Variants in DTNB observed in about 807,000 individuals in gnomAD.
DTNB encodes the protein DTN-B.
Under a neutral mutation model 90.7 loss-of-function variants are expected in DTNB, and 63 were observed. The observed-to-expected ratio is 0.69, with a 90% CI of 0.57 to 0.86. DTNB has a LOEUF of 0.86. Among genes scored for constraint, DTNB ranks in the 40% least tolerant of loss-of-function variants. DTNB has a pLI of 0.00. For missense variants in DTNB, 744 were observed against 807.1 expected (o/e 0.92, Z 0.95); for synonymous variants, 277 against 286.7 (o/e 0.97, Z 0.34).
At chr2:25,428,194 T>C (rs538360470) in intron 14 of DTNB, among the ~76,000 whole-genome samples, 21 of 152,302 alleles carry the variant, frequency 1.4e-4, no homozygotes, top group African/African-American at 2.4e-4. Context: ...TCTTTTTTTT[T>C]CCTTGTCTCT....
chr2:25,602,868 C>T (rs1365529116), intron 5 of DTNB, among the ~76,000 whole-genome samples: 1 of 152,164 alleles, frequency 6.6e-6, no homozygotes, highest in African/African-American at 2.4e-5. Flanking sequence ...TTTTTAAAGG[C>T]ATTATATTCA....
intron 10 of DTNB, among the ~76,000 whole-genome samples, chr2:25,463,153 T>C (rs887817899): frequency 6.6e-6 from 1 of 152,144 alleles, no homozygotes; most frequent in Non-Finnish European, 1.5e-5. Flanking sequence ...TCAAACCTAA[T>C]ATGCTCAAAA....
intron 4 of DTNB, among the ~76,000 whole-genome samples, chr2:25,625,829 C>A (rs960100719): frequency 2.6e-5 from 4 of 152,094 alleles, no homozygotes; most frequent in African/African-American, 9.7e-5. Flanking sequence ...AAATCCTAAC[C>A]CCCAAGGTAC....
At chr2:25,634,142 C>A (rs2148781624) in intron 3 of DTNB, among the ~76,000 whole-genome samples, 1 of 150,456 alleles carries the variant, frequency 6.6e-6, no homozygotes, top group South Asian at 2.1e-4. Context: ...CCAGCCGCCC[C>A]ATCCGGGAGG....
intron 3 of DTNB, among the ~76,000 whole-genome samples, chr2:25,632,284 T>C (rs1450230095): frequency 6.6e-6 from 1 of 151,268 alleles, no homozygotes; most frequent in African/African-American, 2.4e-5. Flanking sequence ...ATATGAACCA[T>C]GCTCTCTGAT....
At chr2:25,430,456 T>C (rs1441189922) in intron 14 of DTNB, among the ~76,000 whole-genome samples, 2 of 152,020 alleles carry the variant, frequency 1.3e-5, no homozygotes, top group African/African-American at 4.8e-5. Context: ...AATTACGGTA[T>C]AAGCTGAACA....
At chr2:25,648,511 CCT>C (rs1431901857) in intron 2 of DTNB, among the ~76,000 whole-genome samples, 1 of 151,946 alleles carries the variant, frequency 6.6e-6, no homozygotes, top group Non-Finnish European at 1.5e-5. Flanking sequence ...ACATGTACCC[CCT>C]GAATCTAAAA....
intron 8 of DTNB, among the ~76,000 whole-genome samples, chr2:25,540,979 T>C (rs561334904): frequency 3.0e-4 from 45 of 151,278 alleles, no homozygotes; most frequent in South Asian, 2.3e-3. Flanking sequence ...CCCTCCACTA[T>C]TGTCCTATGA....
chr2:25,521,536 A>G (rs2076129481), intron 9 of DTNB, among the ~76,000 whole-genome samples: 1 of 151,856 alleles, frequency 6.6e-6, no homozygotes, highest in Admixed American at 6.6e-5. Context: ...GGTGCATGCA[A>G]CTGTACCCGC....
intron 1 of DTNB, among the ~76,000 whole-genome samples, chr2:25,653,845 G>C (rs1382444486): frequency 6.6e-6 from 1 of 152,112 alleles, no homozygotes; most frequent in African/African-American, 2.4e-5. Context: ...TCAGTGACCT[G>C]GGACTGGAGT....
intron 10 of DTNB, among the ~76,000 whole-genome samples, chr2:25,461,217 C>A (rs1362876386): frequency 6.6e-6 from 1 of 152,114 alleles, no homozygotes; most frequent in Non-Finnish European, 1.5e-5. Flanking sequence ...AGGAAGACTT[C>A]TATTCAGAAC....
chr2:25,411,720 G>A (rs1280428810), intron 16 of DTNB, among the ~76,000 whole-genome samples: 1 of 152,188 alleles, frequency 6.6e-6, no homozygotes, highest in Non-Finnish European at 1.5e-5. Flanking sequence ...TCTGCATTTA[G>A]GGTATCATGT....
chr2:25,571,811 G>C (rs1163505662), intron 8 of DTNB, among the ~76,000 whole-genome samples: 1 of 152,102 alleles, frequency 6.6e-6, no homozygotes. Flanking sequence ...TATCGGCAGT[G>C]GGGGGTAAAG....
At chr2:25,593,515 T>C (rs2063960271) in intron 6 of DTNB, among the ~76,000 whole-genome samples, 1 of 152,234 alleles carries the variant, frequency 6.6e-6, no homozygotes, top group Admixed American at 6.5e-5. Flanking sequence ...GGTTTTTTCT[T>C]TTTTAACATT....
intron 10 of DTNB, among the ~76,000 whole-genome samples, chr2:25,456,886 C>T (rs2060124384): frequency 6.6e-6 from 1 of 151,706 alleles, no homozygotes; most frequent in Admixed American, 6.6e-5. Context: ...CTTTCTGAAG[C>T]TCAAACTCTC....
At chr2:25,497,331 TC>T (rs2069157399) in intron 9 of DTNB, 1 of 152,238 alleles carries the variant, frequency 6.6e-6, no homozygotes, top group African/African-American at 2.4e-5. Flanking sequence ...TTGCTGCAAA[TC>T]CATAGCCTAA....
intron 8 of DTNB, among the ~76,000 whole-genome samples, chr2:25,548,510 A>T (rs659323): frequency 0.25 from 38,189 of 151,698 alleles, 5,153 homozygotes; most frequent in East Asian, 0.51. Flanking sequence ...GGAGGGAAGC[A>T]CATGGACATC....
intron 10 of DTNB, among the ~76,000 whole-genome samples, chr2:25,478,703 T>C (rs941180107): frequency 6.6e-6 from 1 of 152,162 alleles, no homozygotes; most frequent in African/African-American, 2.4e-5. Context: ...TTGGGGGAAA[T>C]GCTTCTTCCT....
chr2:25,401,503 G>T (rs2043703535), intron 16 of DTNB, among the ~76,000 whole-genome samples: 1 of 152,212 alleles, frequency 6.6e-6, no homozygotes, highest in Non-Finnish European at 1.5e-5. Flanking sequence ...CGGAGAGAAA[G>T]GCAGTGTCTT....
Sources: gnomAD v4.1 joint callset for allele counts (sites outside exome capture counted in the v4.1 genomes callset) on GRCh38, gnomAD v4.1.1 for gene constraint, MANE v1.5 for transcripts, NCBI Gene and HGNC (gene_info 2026-07-23, HGNC 2026-07-21) for gene names.